Variants in VIPR2 observed in about 807,000 individuals in gnomAD.
VIPR2 encodes the protein vasoactive intestinal peptide receptor 2.
In VIPR2, 48 loss-of-function variants were observed where a neutral mutation model predicts 58.0. The ratio of observed to expected loss-of-function variants is 0.83; its 90% CI spans 0.66 to 1.05. The LOEUF (loss-of-function observed/expected upper bound fraction) is 1.05, where lower values mean the gene tolerates loss of function less well. VIPR2 is among the 50% of genes least tolerant of loss of function. VIPR2 has a pLI of 0.00. For missense variants in VIPR2, 534 were observed against 558.0 expected (o/e 0.96, Z 0.43); for synonymous variants, 243 against 235.2 (o/e 1.03, Z -0.30).
chr7:159,046,422 A>C (rs1854654191), intron 5 of VIPR2, among the ~76,000 whole-genome samples: 1 of 152,234 alleles, frequency 6.6e-6, no homozygotes. Flanking sequence ...GAACTTGAAA[A>C]CATTATGCTA....
chr7:159,100,368 C>T (rs1339407299), intron 4 of VIPR2, among the ~76,000 whole-genome samples: 2 of 152,078 alleles, frequency 1.3e-5, no homozygotes, highest in African/African-American at 4.8e-5. Context: ...CCAGCACCAC[C>T]TTATCCACTG....
At chr7:159,062,757 C>G (rs561577558) in intron 4 of VIPR2, among the ~76,000 whole-genome samples, 2 of 152,238 alleles carry the variant, frequency 1.3e-5, no homozygotes, top group Non-Finnish European at 2.9e-5. Flanking sequence ...ATTGTCTCTA[C>G]AGGCTCCGGC....
intron 5 of VIPR2, among the ~76,000 whole-genome samples, chr7:159,044,852 G>A (rs1340899642): frequency 6.6e-6 from 1 of 151,874 alleles, no homozygotes; most frequent in African/African-American, 2.4e-5. Flanking sequence ...TGCAACTTCT[G>A]CCTCCCTGAT....
chr7:159,033,011 C>T (rs950300771), intron 10 of VIPR2, among the ~76,000 whole-genome samples: 1 of 151,998 alleles, frequency 6.6e-6, no homozygotes, highest in African/African-American at 2.4e-5. Flanking sequence ...ACGGGATACT[C>T]CCTGGATTTA....
At position 159,034,243 on chromosome 7, in the gene VIPR2, T is replaced by C. The variant is rs745321835; in HGVS notation, c.941A>G (p.Asp314Gly). The stretch of plus-strand genomic sequence containing the variant: ...CTGAGACTGGTCGTTGCCGCCGACA[T>C]CTGGGGATGTTAACTTCTGCAGCAA... ...RILLQKLTSP[D>G]VGGNDQSQYK... The change falls in exon 10 of 13, where the codon GAT becomes GGT. Residue 314 changes from aspartate (D) to glycine (G), a missense_variant. Around this residue, in one of 3 missense-constraint regions of VIPR2, gnomAD observed 306 missense variants for 285.8 expected, o/e 1.07. Coordinates refer to ENST00000262178, the MANE Select transcript of VIPR2 (RefSeq NM_003382.5). The C allele has an allele frequency of 6.2e-7, 1 of 1,614,078 alleles. No homozygotes were observed. The highest frequency in any genetic ancestry group is 1.1e-5 in the South Asian group (1 of 91,080).
In VIPR2 at chr7:159,093,722, CGG is replaced by C. The variant is rs1563319117; in HGVS notation, c.357+10033_357+10034del. Among the ~76,000 whole-genome samples the C allele has an allele frequency of 1.8e-5, 2 of 113,380 alleles. No individual in the cohort carries two copies. Among genetic ancestry groups the C allele is most frequent in the East Asian group, 2.8e-4 (1 of 3,632 alleles). The allele number at this position is 113,380 out of a possible 152,430, so 74.4% of individuals were successfully genotyped here. ...GGAGACCCCGCAGCGTCCCTGGGTCCGGACATGGGAGACCCCGCAGCGTCCCT... is the reference window on the plus strand; with the variant it reads ...GGAGACCCCGCAGCGTCCCTGGGTCCACATGGGAGACCCCGCAGCGTCCCT... On this transcript the variant is annotated intron_variant, in intron 4 of 12. Coordinates refer to ENST00000262178, the MANE Select transcript of VIPR2 (RefSeq NM_003382.5). This position sits in a 1 kb window ranked among gnomAD's most constrained non-coding sequence, Gnocchi z 6.7.
rs1313046081 is a variant in VIPR2 at position 159,093,267 on chromosome 7, T to C, written c.357+10490A>G. Among the ~76,000 whole-genome samples, 1 of 152,214 alleles carries C rather than the reference T, an allele frequency of 6.6e-6. No individual in the cohort carries two copies. Among genetic ancestry groups the C allele is most frequent in the Non-Finnish European group, 1.5e-5 (1 of 68,056 alleles). On this transcript the variant is annotated intron_variant, in intron 4 of 12. Coordinates refer to ENST00000262178, the MANE Select transcript of VIPR2 (RefSeq NM_003382.5). This position sits in a 1 kb window ranked among gnomAD's most constrained non-coding sequence, Gnocchi z 6.7. ...GTGTGCTCATTTACTTTTCCTTAGG[T>C]TGAGACTGAAAACGTCAACACAGGA...
At chr7:159,113,077 A>T (rs1196886719) in intron 2 of VIPR2, among the ~76,000 whole-genome samples, 2 of 152,142 alleles carry the variant, frequency 1.3e-5, no homozygotes, top group Admixed American at 1.3e-4. Flanking sequence ...AGAGAGACAG[A>T]CCCTCTCACA....
rs1292999995 is a variant in VIPR2, at chr7:159,095,829, G to A, written c.357+7928C>T. On this transcript the variant is annotated intron_variant, in intron 4 of 12. Coordinates refer to ENST00000262178, the MANE Select transcript of VIPR2 (RefSeq NM_003382.5). The surrounding 1 kb of genome is among the most constrained non-coding windows in gnomAD (Gnocchi z 5.2). ...TCTTCCTTCTCTCTTTTTTTTTTAA[G>A]TCTTTAACAGACCTCCCTAGAACCC... is the stretch of plus-strand genomic sequence containing the variant. 1.9e-4 allele frequency among the ~76,000 whole-genome samples: 29 copies of A among 151,356 alleles called. No individual in the cohort carries two copies. Among genetic ancestry groups the A allele is most frequent in the Non-Finnish European group, 1.2e-4 (8 of 67,886 alleles).
chr7:159,116,084 C>A (rs1379443811), intron 2 of VIPR2, among the ~76,000 whole-genome samples: 1 of 152,224 alleles, frequency 6.6e-6, no homozygotes, highest in African/African-American at 2.4e-5. Context: ...GACTGACAGG[C>A]TCTTCCTTCT....
intron 2 of VIPR2, among the ~76,000 whole-genome samples, chr7:159,141,963 G>A (rs143147848): frequency 0.038 from 5,860 of 152,226 alleles, 388 homozygotes; most frequent in African/African-American, 0.13. Flanking sequence ...CGGAGAAGGC[G>A]ATCTGCACGT....
Position 159,034,236 on chromosome 7 carries a change from G to A in VIPR2, c.948C>T (p.Gly316=), listed in dbSNP as rs780993001. ...LLQKLTSPDV[G]GNDQSQYKRL... ...ACTTGTACTGAGACTGGTCGTTGCC[G>A]CCGACATCTGGGGATGTTAACTTCT... The change falls in exon 10 of 13, where the codon GGC becomes GGT. Residue 316 remains glycine, a synonymous_variant. Transcript: ENST00000262178. 1.4e-5 allele frequency: 23 copies of A among 1,613,950 alleles called. No individual in the cohort carries two copies. In the South Asian group the frequency reaches 1.8e-4, roughly 12 times the overall value.
intron 4 of VIPR2, among the ~76,000 whole-genome samples, chr7:159,083,553 T>C (rs968994505): frequency 5.9e-5 from 9 of 152,108 alleles, no homozygotes; most frequent in African/African-American, 1.9e-4. Context: ...TTCAACAGCT[T>C]TCCAGGCAGC....
chr7:159,081,286 C>T (rs958437675), intron 4 of VIPR2, among the ~76,000 whole-genome samples: 3 of 152,188 alleles, frequency 2.0e-5, no homozygotes, highest in African/African-American at 7.2e-5. Flanking sequence ...ACCAATGGAA[C>T]ATAACAGAGC....
chr7:159,144,276 T>TC (rs1236566238), intron 1 of VIPR2: 2 of 1,347,660 alleles, frequency 1.5e-6, no homozygotes, highest in Middle Eastern at 1.9e-4. Flanking sequence ...CGACGCCACG[T>TC]CCCCCCGACA....
Position 159,030,588 on chromosome 7 carries a change from C to T in VIPR2, c.*28G>A. 1 of 1,505,110 alleles carries T rather than the reference C, an allele frequency of 6.6e-7. No individual in the cohort carries two copies. The highest frequency in any genetic ancestry group is 8.9e-7 in the Non-Finnish European group (1 of 1,123,552). The allele number at this position is 1,505,110 out of a possible 1,614,324, so 93.2% of individuals were successfully genotyped here. A position where few individuals can be genotyped will look rare whatever the true frequency, so the allele number is the denominator to read the frequency against. On this transcript the variant is annotated 3_prime_UTR_variant, in exon 13 of 13. Coordinates refer to ENST00000262178, the MANE Select transcript of VIPR2 (RefSeq NM_003382.5). ...GCAGAAGCCCCGAACCGTGGGCCTC[C>T]CGCCGCGTCCGACAGGCAGGGGTGG...
intron 4 of VIPR2, among the ~76,000 whole-genome samples, chr7:159,082,294 G>T (rs1856945882): frequency 6.6e-6 from 1 of 152,186 alleles, no homozygotes; most frequent in African/African-American, 2.4e-5. Context: ...CATAAAAAAT[G>T]ATGAGTTCAT....
chr7:159,050,819 CCTT>C (rs1439574037), intron 5 of VIPR2, among the ~76,000 whole-genome samples: 1 of 152,054 alleles, frequency 6.6e-6, no homozygotes, highest in East Asian at 1.9e-4. Flanking sequence ...AAGAAAACCA[CCTT>C]AAGTCCTATG....
chr7:159,038,944 T>G (rs570293239), intron 6 of VIPR2, among the ~76,000 whole-genome samples: 25 of 152,234 alleles, frequency 1.6e-4, no homozygotes, highest in Non-Finnish European at 2.9e-4. Context: ...GAATGCGGTG[T>G]TTTAGAGGGC....
Sources: gnomAD v4.1 joint callset for allele counts (sites outside exome capture counted in the v4.1 genomes callset) on GRCh38, gnomAD v4.1.1 for gene constraint, gnomAD v4.1.1 regional missense constraint, Gnocchi (gnomAD v3.1) non-coding constraint, MANE v1.5 for transcripts, NCBI Gene and HGNC (gene_info 2026-07-23, HGNC 2026-07-21) for gene names.